The following ABTB3 variants were observed in gnomAD, a reference collection of about 807,000 sequenced individuals.
ABTB3 encodes ankyrin repeat- and BTB/POZ domain-containing protein 3.
chr12:107,648,814 C>A, the ABTB3 span, among the ~76,000 whole-genome samples: 3 of 151,830 alleles, frequency 2.0e-5, no homozygotes, highest in Non-Finnish European at 4.4e-5. Flanking sequence ...AGCCATGCCA[C>A]GTGTACAGCA....
the ABTB3 span, among the ~76,000 whole-genome samples, chr12:107,564,088 CTCTGTGTGTGTGTGTGTGTG>C: frequency 2.9e-5 from 4 of 137,950 alleles, no homozygotes; most frequent in Non-Finnish European, 6.3e-5. Context: ...CTATCTATCT[CTCTGTGTGTGTGTGTGTGTG>C]TGTGTGTGTG....
the ABTB3 span, among the ~76,000 whole-genome samples, chr12:107,637,772 G>A: frequency 3.4e-5 from 5 of 147,862 alleles, no homozygotes; most frequent in Non-Finnish European, 7.4e-5. Context: ...GTGGCAAATC[G>A]GAGAGCACTG....
At chr12:107,596,912 T>G in the ABTB3 span, among the ~76,000 whole-genome samples, 1 of 152,226 alleles carries the variant, frequency 6.6e-6, no homozygotes, top group Non-Finnish European at 1.5e-5. Context: ...ACAGCAAATC[T>G]TGCTCTTGTC....
the ABTB3 span, among the ~76,000 whole-genome samples, chr12:107,474,749 AG>A: frequency 6.6e-6 from 1 of 152,034 alleles, no homozygotes; most frequent in Admixed American, 6.5e-5. Context: ...ACCAACCTTT[AG>A]CACAGTGCTT....
the ABTB3 span, among the ~76,000 whole-genome samples, chr12:107,401,207 A>C: frequency 6.6e-6 from 1 of 152,258 alleles, no homozygotes. Context: ...GCTCAGCCTC[A>C]GAAAGCAAAA....
chr12:107,526,554 T>A, the ABTB3 span, among the ~76,000 whole-genome samples: 2 of 152,130 alleles, frequency 1.3e-5, no homozygotes, highest in Non-Finnish European at 2.9e-5. Context: ...CTTCTGCCTG[T>A]CACCTCAGCC....
chr12:107,432,340 T>C, the ABTB3 span, among the ~76,000 whole-genome samples: 1 of 152,212 alleles, frequency 6.6e-6, no homozygotes, highest in Non-Finnish European at 1.5e-5. Flanking sequence ...AAAGACACTG[T>C]GGTACATTTT....
At chr12:107,355,190 C>T in the ABTB3 span, among the ~76,000 whole-genome samples, 1 of 152,232 alleles carries the variant, frequency 6.6e-6, no homozygotes, top group African/African-American at 2.4e-5. Context: ...GAGACTCCGC[C>T]TTTTCCTCTT....
the ABTB3 span, among the ~76,000 whole-genome samples, chr12:107,544,518 C>A: frequency 2.6e-5 from 4 of 152,158 alleles, no homozygotes; most frequent in African/African-American, 9.7e-5. Flanking sequence ...CCCGGGATAA[C>A]CAGAAGCACC....
the ABTB3 span, among the ~76,000 whole-genome samples, chr12:107,357,770 C>A: frequency 6.6e-6 from 1 of 152,252 alleles, no homozygotes; most frequent in Non-Finnish European, 1.5e-5. Context: ...TAGCACCCAA[C>A]TCCACTGTCC....
the ABTB3 span, among the ~76,000 whole-genome samples, chr12:107,351,236 C>T: frequency 6.6e-6 from 1 of 152,150 alleles, no homozygotes; most frequent in African/African-American, 2.4e-5. Context: ...ATCCGGGTGG[C>T]CATTTTACAT....
At chr12:107,428,493 T>C in the ABTB3 span, among the ~76,000 whole-genome samples, 70 of 152,210 alleles carry the variant, frequency 4.6e-4, 1 homozygote, top group Admixed American at 3.1e-3. Flanking sequence ...AGTTAAGGAA[T>C]AAACATCCCA....
the ABTB3 span, among the ~76,000 whole-genome samples, chr12:107,421,731 C>G: frequency 1.3e-5 from 2 of 152,316 alleles, no homozygotes; most frequent in South Asian, 2.1e-4. Context: ...ACCCCCTGCG[C>G]CTTCCACTTC....
chr12:107,618,393 C>A, the ABTB3 span: 2 of 1,600,488 alleles, frequency 1.2e-6, no homozygotes, highest in African/African-American at 2.7e-5. Context: ...GTCTGGGCAC[C>A]CTCCACCACG....
chr12:107,518,050 A>G, the ABTB3 span, among the ~76,000 whole-genome samples: 5 of 152,246 alleles, frequency 3.3e-5, no homozygotes, highest in African/African-American at 4.8e-5. Context: ...GCAAATCGAA[A>G]CCACAGTGGG....
chr12:107,415,775 C>A, the ABTB3 span, among the ~76,000 whole-genome samples: 4 of 152,028 alleles, frequency 2.6e-5, no homozygotes, highest in African/African-American at 9.7e-5. Flanking sequence ...GGGATTAGAA[C>A]ACTTGTCTAG....
the ABTB3 span, chr12:107,544,143 A>G: frequency 6.2e-7 from 1 of 1,613,566 alleles, no homozygotes; most frequent in Non-Finnish European, 8.5e-7. Flanking sequence ...TGGAAAGGTA[A>G]GAACTGCCTT....
chr12:107,649,521 T>G, the ABTB3 span: 3 of 493,816 alleles, frequency 6.1e-6, no homozygotes, highest in African/African-American at 1.9e-5. Context: ...CTGCTTTTAG[T>G]AGCCACTGAG....
the ABTB3 span, among the ~76,000 whole-genome samples, chr12:107,582,111 T>C: frequency 3.3e-5 from 5 of 152,172 alleles, no homozygotes. Context: ...TCAGATCTGA[T>C]TGGGGTTCTG....
Sources: gnomAD v4.1 joint callset for allele counts (sites outside exome capture counted in the v4.1 genomes callset) on GRCh38, gnomAD v4.1.1 for gene constraint, MANE v1.5 for transcripts, NCBI Gene and HGNC (gene_info 2026-07-23, HGNC 2026-07-21) for gene names.